CBL: variants seen among roughly 807,000 people sequenced by gnomAD.
CBL encodes Cbl proto-oncogene.
CBL carries 45 observed loss-of-function variants against 96.9 expected under a neutral mutation model. The observed-to-expected ratio is 0.46, with a 90% CI of 0.37 to 0.60. The LOEUF is 0.60. Ranked by LOEUF, CBL falls within the 20% of genes least tolerant of loss-of-function variation. The pLI is 0.00. For synonymous variants in CBL, 420 were observed against 426.8 expected (o/e 0.98, Z 0.20); for missense variants, 1,024 against 1,143.5 (o/e 0.90, Z 1.51).
At chr11:119,244,058 TGTG>T (rs1436788685) in intron 2 of CBL, among the ~76,000 whole-genome samples, 1 of 152,094 alleles carries the variant, frequency 6.6e-6, no homozygotes, top group Non-Finnish European at 1.5e-5. Flanking sequence ...AGAAAAAAAA[TGTG>T]GTAACTTCTT....
rs1011779107 is a variant in CBL, at chr11:119,212,648, G to GAATA, written c.195+6056_195+6059dup. ...TCTCAAAATAAATAAATGAATGAATGAATAAATAAATAAATAAATAAATTT... is the reference window on the plus strand; with the variant it reads ...TCTCAAAATAAATAAATGAATGAATGAATAAATAAATAAATAAATAAATAAATTT... On this transcript the variant is annotated intron_variant, in intron 1 of 15. Transcript: ENST00000264033. Among the ~76,000 whole-genome samples, 282 of 151,472 alleles carry GAATA rather than the reference G, an allele frequency of 1.9e-3. 1 individual carries two copies. Among genetic ancestry groups the GAATA allele is most frequent in the African/African-American group, 6.2e-3 (258 of 41,314 alleles).
chr11:119,221,012 G>A (rs1013308852), intron 1 of CBL, among the ~76,000 whole-genome samples: 12 of 151,716 alleles, frequency 7.9e-5, no homozygotes, highest in African/African-American at 1.7e-4. Flanking sequence ...TTGGGAGGCC[G>A]GGGTGGGCGA....
In CBL at chr11:119,297,466, G is replaced by A. The variant is rs369050822; in HGVS notation, c.2236G>A (p.Glu746Lys). The change falls in exon 14 of 16, where the codon GAG (glutamate) becomes AAG (lysine). Residue 746 changes from glutamate (E) to lysine (K), a missense_variant. Physicochemically the swap from Glu to Lys is moderately conservative, Grantham distance 56. This residue lies in a region of CBL where 695 missense variants were observed against 661.6 expected (regional missense o/e 1.05). Transcript: ENST00000264033. ...NIQSQAPSIT[E>K]SSTFGEGNLA... ...TCAGTCCCAGGCGCCATCTATCACC[G>A]AGAGCAGCACCTTTGGTAAGTTGCC... 7.4e-6 allele frequency: 12 copies of A among 1,611,238 alleles called. No individual in the cohort carries two copies. Among genetic ancestry groups the A allele is most frequent in the Admixed American group, 1.7e-5 (1 of 59,996 alleles).
intron 9 of CBL, among the ~76,000 whole-genome samples, chr11:119,279,093 T>C (rs1043925683): frequency 3.8e-4 from 58 of 152,206 alleles, no homozygotes; most frequent in Non-Finnish European, 1.8e-4. Context: ...TTTATTCATA[T>C]CTGTTGGTGG....
intron 2 of CBL, among the ~76,000 whole-genome samples, chr11:119,257,293 A>C (rs1033674624): frequency 9.9e-5 from 15 of 152,228 alleles, no homozygotes; most frequent in Admixed American, 2.0e-4. Context: ...TTTTTAAATA[A>C]TGGCCACTCT....
At chr11:119,214,072 G>A (rs1430714315) in intron 1 of CBL, among the ~76,000 whole-genome samples, 4 of 152,128 alleles carry the variant, frequency 2.6e-5, no homozygotes, top group Non-Finnish European at 5.9e-5. Context: ...AGCCTCCTGA[G>A]TAGCTGGGAC....
chr11:119,262,307 A>G (rs1274863786), intron 2 of CBL, among the ~76,000 whole-genome samples: 1 of 152,222 alleles, frequency 6.6e-6, no homozygotes, highest in Non-Finnish European at 1.5e-5. Flanking sequence ...GGGTGAGTAA[A>G]TGTAAAGTGG....
At chr11:119,239,556 C>T (rs1158042527) in intron 2 of CBL, among the ~76,000 whole-genome samples, 2 of 152,058 alleles carry the variant, frequency 1.3e-5, no homozygotes, top group Non-Finnish European at 2.9e-5. Flanking sequence ...GGTAGTTTTA[C>T]TTCTTCCTTT....
chr11:119,297,892 G>T (rs2135320517), intron 14 of CBL, among the ~76,000 whole-genome samples: 1 of 152,232 alleles, frequency 6.6e-6, no homozygotes, highest in Admixed American at 6.5e-5. Flanking sequence ...AGACATTTGT[G>T]TTCTATACTC....
chr11:119,227,058 C>G (rs1002151863), intron 1 of CBL, among the ~76,000 whole-genome samples: 1 of 152,124 alleles, frequency 6.6e-6, no homozygotes, highest in Non-Finnish European at 1.5e-5. Flanking sequence ...TGGGATTTTT[C>G]GACTTTATGA....
At chr11:119,269,249 T>C (rs1336523557) in intron 2 of CBL, among the ~76,000 whole-genome samples, 3 of 133,236 alleles carry the variant, frequency 2.3e-5, no homozygotes, top group African/African-American at 7.7e-5. Flanking sequence ...ATAAGTGCTT[T>C]TTTTTTTTTT....
At chr11:119,290,882 TGGC>T (rs1280006330) in intron 12 of CBL, among the ~76,000 whole-genome samples, 1 of 151,902 alleles carries the variant, frequency 6.6e-6, no homozygotes, top group Admixed American at 6.6e-5. Flanking sequence ...TTCACCATGT[TGGC>T]CAGGCTGGTC....
chr11:119,229,612 C>A (rs1322092322), intron 1 of CBL, among the ~76,000 whole-genome samples: 1 of 151,572 alleles, frequency 6.6e-6, no homozygotes, highest in Admixed American at 6.6e-5. Flanking sequence ...TTCTCAAAAA[C>A]AACAACAACA....
chr11:119,227,346 G>A (rs995421202), intron 1 of CBL, among the ~76,000 whole-genome samples: 2 of 152,074 alleles, frequency 1.3e-5, no homozygotes, highest in Non-Finnish European at 2.9e-5. Flanking sequence ...ACTTAGGATA[G>A]GTTTATTGGA....
At chr11:119,297,815 C>T (rs1342885853) in intron 14 of CBL, among the ~76,000 whole-genome samples, 2 of 152,200 alleles carry the variant, frequency 1.3e-5, no homozygotes, top group African/African-American at 4.8e-5. Context: ...AAAGTATCCC[C>T]AATCCTTTAT....
intron 2 of CBL, among the ~76,000 whole-genome samples, chr11:119,251,641 C>T (rs565932374): frequency 2.2e-4 from 33 of 152,198 alleles, no homozygotes; most frequent in African/African-American, 7.2e-4. Context: ...GTTCACATAA[C>T]GAGAGTTTCA....
intron 1 of CBL, among the ~76,000 whole-genome samples, chr11:119,219,779 G>T (rs1949393276): frequency 6.6e-6 from 1 of 151,642 alleles, no homozygotes; most frequent in East Asian, 1.9e-4. Context: ...TGCCTCCTGG[G>T]TTCAAGTGAT....
At position 119,208,546 on chromosome 11, in the gene CBL, C is replaced by T. The variant is rs142392440; in HGVS notation, c.195+1934C>T. ...CTGGGATTACAGGTGCGCGCCACCA[C>T]GCCCAGCTAATTTTTTGTATTTTTA... On this transcript the variant is annotated intron_variant, in intron 1 of 15. Coordinates refer to ENST00000264033, the MANE Select transcript of CBL (RefSeq NM_005188.4). Among the ~76,000 whole-genome samples, 1,402 of 151,992 alleles carry T rather than the reference C, an allele frequency of 9.2e-3. 16 individuals are homozygous for T. The highest frequency in any genetic ancestry group is 0.011 in the Non-Finnish European group (779 of 67,966).
Position 119,271,129 on chromosome 11 carries a change from G to A in CBL, c.444-606G>A, listed in dbSNP as rs939395452. The stretch of plus-strand genomic sequence containing the variant: ...TTAAGACTTATTTATCTTTTATTTA[G>A]ATATGTTATATGATGATAAATATAC... On this transcript the variant is annotated intron_variant, in intron 2 of 15. Coordinates refer to ENST00000264033, the MANE Select transcript of CBL (RefSeq NM_005188.4). Among the ~76,000 whole-genome samples the A allele has an allele frequency of 5.3e-5, 8 of 152,136 alleles. No individual in the cohort carries two copies. In the East Asian group the frequency reaches 1.5e-3, roughly 29 times the overall value.
Sources: gnomAD v4.1 joint callset for allele counts (sites outside exome capture counted in the v4.1 genomes callset) on GRCh38, gnomAD v4.1.1 for gene constraint, gnomAD v4.1.1 regional missense constraint, MANE v1.5 for transcripts, NCBI Gene and HGNC (gene_info 2026-07-23, HGNC 2026-07-21) for gene names.